The following CFAP251 variants were observed in gnomAD, a reference collection of about 807,000 sequenced individuals.
CFAP251 encodes the protein cilia and flagella associated protein 251, also known as cilia- and flagella-associated protein 251.
CFAP251 carries 93 observed loss-of-function variants against 126.7 expected under a neutral mutation model. The observed-to-expected ratio is 0.73, with a 90% CI of 0.62 to 0.87. The LOEUF is 0.87. Among genes scored for constraint, CFAP251 ranks in the 40% least tolerant of loss-of-function variants. The pLI, the probability that CFAP251 is intolerant of heterozygous loss-of-function variation, is 0.00. For missense variants in CFAP251, 1,287 were observed against 1,389.2 expected (o/e 0.93, Z 1.17); for synonymous variants, 503 against 506.9 (o/e 0.99, Z 0.10).
chr12:122,003,392 C>G (rs3741581), intron 21 of CFAP251, among the ~76,000 whole-genome samples: 1 of 151,792 alleles, frequency 6.6e-6, no homozygotes, highest in Non-Finnish European at 1.5e-5. Flanking sequence ...GGTAACATAG[C>G]GAGACCCCAT....
intron 19 of CFAP251, among the ~76,000 whole-genome samples, chr12:121,983,432 A>G (rs1882674104): frequency 6.6e-6 from 1 of 151,876 alleles, no homozygotes. Context: ...GTGTCTAATT[A>G]TTAAAGATGT....
intron 15 of CFAP251, among the ~76,000 whole-genome samples, chr12:121,963,673 A>C (rs964447510): frequency 6.8e-6 from 1 of 147,710 alleles, no homozygotes; most frequent in Non-Finnish European, 1.5e-5. Context: ...CACAAGAAAC[A>C]CTGACGATTG....
At chr12:121,929,304 A>C (rs1346290806) in intron 3 of CFAP251, among the ~76,000 whole-genome samples, 2 of 149,118 alleles carry the variant, frequency 1.3e-5, no homozygotes, top group East Asian at 4.0e-4. Flanking sequence ...CTGGTGACAG[A>C]GCGAGACTCC....
At chr12:121,976,995 A>G (rs1308656179) in intron 19 of CFAP251, among the ~76,000 whole-genome samples, 2 of 152,242 alleles carry the variant, frequency 1.3e-5, no homozygotes, top group Non-Finnish European at 2.9e-5. Flanking sequence ...TATTTATATA[A>G]TCATATATAT....
chr12:121,924,818 T>A (rs1880344736), intron 3 of CFAP251, among the ~76,000 whole-genome samples: 1 of 152,156 alleles, frequency 6.6e-6, no homozygotes. Context: ...CTGCGTTCAA[T>A]GGTGTTGCTC....
At chr12:121,998,486 T>TAC (rs1883076058) in intron 19 of CFAP251, 1 of 121,286 alleles carries the variant, frequency 8.2e-6, no homozygotes, top group African/African-American at 3.2e-5. Context: ...TATATATATA[T>TAC]ATGATTGTGT....
chr12:121,947,023 A>G (rs904893719), intron 7 of CFAP251, among the ~76,000 whole-genome samples: 1 of 152,108 alleles, frequency 6.6e-6, no homozygotes, highest in African/African-American at 2.4e-5. Context: ...CTCTTTACAC[A>G]TTTCTTCTGC....
intron 19 of CFAP251, among the ~76,000 whole-genome samples, chr12:121,985,604 A>T (rs1356632397): frequency 1.3e-5 from 2 of 151,142 alleles, no homozygotes; most frequent in Admixed American, 1.3e-4. Context: ...TGATGTACAT[A>T]TGGAAGGAAT....
At chr12:121,987,607 C>T (rs929515419) in intron 19 of CFAP251, among the ~76,000 whole-genome samples, 1 of 150,638 alleles carries the variant, frequency 6.6e-6, no homozygotes, top group Non-Finnish European at 1.5e-5. Context: ...CCCAGCTACT[C>T]GGGAGGCTGA....
intron 7 of CFAP251, among the ~76,000 whole-genome samples, chr12:121,943,222 A>T (rs1036036656): frequency 1.3e-5 from 2 of 152,000 alleles, no homozygotes; most frequent in African/African-American, 2.4e-5. Context: ...CTGAGGCATG[A>T]GAATTTCTTG....
Position 121,959,111 on chromosome 12 carries a change from A to T in CFAP251, c.2133+17A>T. On this transcript the variant is annotated intron_variant, in intron 13 of 21. Transcript: ENST00000288912. ...GCAACTGCTGTAAGTATTTTCATGG[A>T]CAACCCATCCAGTGGCTTAGCAATT... is the stretch of plus-strand genomic sequence containing the variant. The T allele has an allele frequency of 1.3e-6, 2 of 1,573,704 alleles. No homozygotes were observed.
intron 5 of CFAP251, among the ~76,000 whole-genome samples, chr12:121,937,731 G>C (rs952138415): frequency 6.6e-6 from 1 of 152,104 alleles, no homozygotes; most frequent in Non-Finnish European, 1.5e-5. Context: ...CACAGGAACT[G>C]CTCTCCCACA....
rs948107341 is a variant in CFAP251 at position 121,918,984 on chromosome 12, G to T, written c.-21+289G>T. Among the ~76,000 whole-genome samples the T allele has an allele frequency of 2.6e-5, 4 of 152,184 alleles. No homozygotes were observed. The highest frequency in any genetic ancestry group is 5.9e-5 in the Non-Finnish European group (4 of 68,028). Reference sequence around the variant, plus strand: ...AGTCAAAAGAGGCTCGGTGGTGAGAGCCCTAGACTTGATTCAGAGCAGTGA... The same window carrying T: ...AGTCAAAAGAGGCTCGGTGGTGAGATCCCTAGACTTGATTCAGAGCAGTGA... On this transcript the variant is annotated intron_variant, in intron 1 of 21. Coordinates refer to ENST00000288912, the MANE Select transcript of CFAP251 (RefSeq NM_144668.6). The surrounding 1 kb of genome is among the most constrained non-coding windows in gnomAD (Gnocchi z 4.3).
rs1011657587 is a variant in CFAP251, at chr12:121,974,621, T to C, written c.2772-623T>C. Among the ~76,000 whole-genome samples, 1 of 152,092 alleles carries C rather than the reference T, an allele frequency of 6.6e-6. No homozygotes were observed. The highest frequency in any genetic ancestry group is 2.4e-5 in the African/African-American group (1 of 41,400). Reference sequence around the variant, plus strand: ...ATCACCCGATTAGCAGTAATCCAGTTAGTGGATTATTAGAATGATTTCTGA... The same window carrying C: ...ATCACCCGATTAGCAGTAATCCAGTCAGTGGATTATTAGAATGATTTCTGA... On this transcript the variant is annotated intron_variant, in intron 17 of 21. Transcript: ENST00000288912. The surrounding 1 kb of genome is among the most constrained non-coding windows in gnomAD (Gnocchi z 4.6).
chr12:121,954,187 C>G lies in CFAP251; in HGVS notation c.1388C>G (p.Ser463Ter). 6.2e-7 allele frequency: 1 copy of G among 1,614,154 alleles called. No homozygotes were observed. Reference sequence around the variant, plus strand: ...CACTTGAATTTAACACAAATACTCTCAGCCACAATGGAAGGGAAGCTGGTT... The same window carrying G: ...CACTTGAATTTAACACAAATACTCTGAGCCACAATGGAAGGGAAGCTGGTT... ...IFHLNLTQILSATMEGKLVVW... is the reference protein window; with the variant it reads ...IFHLNLTQIL Residue 463 changes from serine (S) to a stop codon, truncating the protein, a stop_gained, in exon 10 of 22, where the codon TCA (serine) becomes TGA (stop). Coordinates refer to ENST00000288912, the MANE Select transcript of CFAP251 (RefSeq NM_144668.6). LOFTEE classifies it high-confidence loss of function.
Position 121,962,125 on chromosome 12 carries a change from A to G in CFAP251, c.2455A>G (p.Lys819Glu). Residue 819 changes from lysine (K) to glutamate (E), a missense_variant, in exon 15 of 22, where the codon AAA becomes GAA. Lys to Glu is a moderately conservative substitution (Grantham distance 56). Transcript: ENST00000288912. ...CCTGCTTATTTGCAACAGTGGCTAC[A>G]AAGTGAAGCTTTTTAATGCTACTAC... is the stretch of plus-strand genomic sequence containing the variant. ...LFLLICNSGY[K>E]VKLFNATTKM... The G allele has an allele frequency of 6.2e-7, 1 of 1,613,840 alleles. No homozygotes were observed. The highest frequency in any genetic ancestry group is 8.5e-7 in the Non-Finnish European group (1 of 1,180,028).
In CFAP251 at chr12:121,954,328, T is replaced by C. The variant is rs1356938052; in HGVS notation, c.1529T>C (p.Ile510Thr). 4.4e-6 allele frequency: 7 copies of C among 1,604,982 alleles called. No individual in the cohort carries two copies. The highest frequency in any genetic ancestry group is 2.7e-5 in the African/African-American group (2 of 74,492). Residue 510 changes from isoleucine to threonine, a missense_variant, in exon 10 of 22, where the codon ATT (isoleucine) becomes ACT (threonine). By Grantham distance (89) the Ile-to-Thr change is moderately conservative. Transcript: ENST00000288912. ...QKEGITVLTT[I>T]DSYIVTGDIK... is the part of the protein sequence containing the mutation. ...GAGGGTATCACGGTACTTACCACAA[T>C]TGATAGGTAATTTTAACTTAATTAA... is the stretch of plus-strand genomic sequence containing the variant.
chr12:121,991,309 C>T (rs1393754217), intron 19 of CFAP251, among the ~76,000 whole-genome samples: 1 of 152,154 alleles, frequency 6.6e-6, no homozygotes, highest in Non-Finnish European at 1.5e-5. Flanking sequence ...CAGATGTGAG[C>T]CCAAAGAATT....
At chr12:121,937,112 G>A (rs1181783274) in intron 5 of CFAP251, among the ~76,000 whole-genome samples, 4 of 152,186 alleles carry the variant, frequency 2.6e-5, no homozygotes, top group African/African-American at 7.2e-5. Context: ...TACCTCAAAC[G>A]ATTTACTCTC....
Sources: allele counts gnomAD v4.1 joint callset (sites outside exome capture counted in the v4.1 genomes callset), GRCh38; gene constraint gnomAD v4.1.1; non-coding constraint Gnocchi (gnomAD v3.1); transcripts MANE v1.5; gene names NCBI Gene and HGNC (gene_info 2026-07-23, HGNC 2026-07-21).